The following PLD1 variants were observed in gnomAD, a reference collection of about 807,000 sequenced individuals.
PLD1 encodes choline phosphatase 1.
PLD1 carries 112 observed loss-of-function variants against 137.1 expected under a neutral mutation model. The ratio of observed to expected loss-of-function variants is 0.82; its 90% CI spans 0.70 to 0.96. The LOEUF (loss-of-function observed/expected upper bound fraction) is 0.96. Ranked by LOEUF, PLD1 falls within the 40% of genes least tolerant of loss-of-function variation. The pLI, the probability that PLD1 is intolerant of heterozygous loss-of-function variation, is 0.00. For synonymous variants in PLD1, 431 were observed against 454.7 expected, an observed-to-expected ratio of 0.95 and a Z score of 0.66; for missense variants, 1,321 against 1,342.0, an observed-to-expected ratio of 0.98 and a Z score of 0.24.
chr3:171,618,718 GTA>G (rs1491356528), intron 24 of PLD1, among the ~76,000 whole-genome samples: 8,030 of 126,876 alleles, frequency 0.063, 251 homozygotes, highest in East Asian at 0.12. Flanking sequence ...TTAAAAGTGT[GTA>G]TGTGTGTGTG....
intron 1 of PLD1, chr3:171,765,358 CCAA>C (rs1188160840): frequency 6.6e-6 from 1 of 152,086 alleles, no homozygotes; most frequent in Non-Finnish European, 1.5e-5. Context: ...ACAAAATGTT[CCAA>C]CAACAATGAT....
At chr3:171,673,651 G>A (rs78275994) in intron 19 of PLD1, among the ~76,000 whole-genome samples, 4,368 of 152,186 alleles carry the variant, frequency 0.029, 153 homozygotes, top group African/African-American at 0.084. Context: ...AATTGCACAC[G>A]ATGCAAAATA....
intron 4 of PLD1, among the ~76,000 whole-genome samples, 183 bp downstream of exon 4, chr3:171,735,309 A>ATT (rs1203540032): frequency 6.6e-6 from 1 of 151,966 alleles, no homozygotes; most frequent in Middle Eastern, 3.2e-3. Context: ...TAAATTTTTA[A>ATT]TTTTTTTATA....
At chr3:171,644,077 T>C (rs1053309176) in intron 22 of PLD1, among the ~76,000 whole-genome samples, 4 of 152,212 alleles carry the variant, frequency 2.6e-5, no homozygotes, top group Non-Finnish European at 5.9e-5. Context: ...CCCTGACCCC[T>C]AATCTGCTTT....
chr3:171,618,193 G>C lies in PLD1; in HGVS notation c.2728+2193C>G, dbSNP rs1338130040. 3.3e-5 allele frequency among the ~76,000 whole-genome samples: 5 copies of C among 152,320 alleles called. No homozygotes were observed. The East Asian group carries it at 9.7e-4, about 29-fold the overall frequency. On this transcript the variant is annotated intron_variant, in intron 24 of 26. Coordinates refer to ENST00000351298, the MANE Select transcript of PLD1 (RefSeq NM_002662.5). The stretch of plus-strand genomic sequence containing the variant: ...CCCAGGGCCATATCCTCAGTTTCAA[G>C]AGAATGTGTAAGAATTGTGTGCAAA...
rs138607596 is a variant in PLD1, at chr3:171,736,405, G to A, written c.289-768C>T. ...ACCATGCAGTCTGCCTCTAGAGTCTGTCATTTACCCCCACATGTTATTATC... is the reference window on the plus strand; with the variant it reads ...ACCATGCAGTCTGCCTCTAGAGTCTATCATTTACCCCCACATGTTATTATC... On this transcript the variant is annotated intron_variant, in intron 3 of 26. Transcript: ENST00000351298. Among the ~76,000 whole-genome samples, 1,201 of 152,236 alleles carry A rather than the reference G, an allele frequency of 7.9e-3. 47 individuals are homozygous for A. Among genetic ancestry groups the A allele is most frequent in the Admixed American group, 0.063 (970 of 15,280 alleles).
At chr3:171,684,062 G>T (rs1391884146) in intron 16 of PLD1, among the ~76,000 whole-genome samples, 1 of 152,056 alleles carries the variant, frequency 6.6e-6, no homozygotes, top group Non-Finnish European at 1.5e-5. Context: ...TCAGTGAGGG[G>T]TTGTAAACAG....
intron 25 of PLD1, among the ~76,000 whole-genome samples, chr3:171,608,749 C>A (rs1022413215): frequency 6.6e-6 from 1 of 152,072 alleles, no homozygotes; most frequent in African/African-American, 2.4e-5. Context: ...TCACTTCTTA[C>A]ACTAAAATAC....
At chr3:171,689,832 A>G (rs534877866) in intron 13 of PLD1, among the ~76,000 whole-genome samples, 1 of 152,344 alleles carries the variant, frequency 6.6e-6, no homozygotes, top group Admixed American at 6.5e-5. Flanking sequence ...CATTTTTTAA[A>G]AATTGTAGTA....
At chr3:171,777,816 A>G (rs1167881071) in intron 1 of PLD1, among the ~76,000 whole-genome samples, 3 of 152,208 alleles carry the variant, frequency 2.0e-5, no homozygotes, top group Admixed American at 6.5e-5. Context: ...AAATTGCTCA[A>G]CAACTACAGC....
intron 1 of PLD1, among the ~76,000 whole-genome samples, chr3:171,746,860 C>T (rs1015005973): frequency 2.0e-5 from 3 of 152,230 alleles, no homozygotes; most frequent in South Asian, 2.1e-4. Context: ...CACTGGCAAC[C>T]AGCTGGGGCC....
intron 23 of PLD1, among the ~76,000 whole-genome samples, chr3:171,634,510 CT>C (rs1449700483): frequency 6.6e-6 from 1 of 152,132 alleles, no homozygotes; most frequent in Admixed American, 6.6e-5. Flanking sequence ...TCTGGCAAAT[CT>C]CTGTCCTAGA....
chr3:171,664,015 C>CCT (rs1560193615), intron 19 of PLD1, among the ~76,000 whole-genome samples: 2 of 152,064 alleles, frequency 1.3e-5, no homozygotes. Flanking sequence ...ACTGTGCCAT[C>CCT]CTCAGTAGTG....
intron 9 of PLD1, among the ~76,000 whole-genome samples, chr3:171,710,708 C>A (rs1717125967): frequency 6.6e-6 from 1 of 152,098 alleles, no homozygotes; most frequent in African/African-American, 2.4e-5. Flanking sequence ...GTATCCATTC[C>A]CTCAGCTTCT....
chr3:171,648,360 TC>T (rs1439276755), intron 21 of PLD1, among the ~76,000 whole-genome samples: 1 of 152,170 alleles, frequency 6.6e-6, no homozygotes, highest in Non-Finnish European at 1.5e-5. Context: ...AAAAAATCTC[TC>T]TCACTCCTTC....
In PLD1 at chr3:171,686,528, C is replaced by T. The variant is rs145138238; in HGVS notation, c.1867+157G>A. Reference sequence around the variant, plus strand: ...TAGGGAGTAGGGATCTTGGATACTACAGAATGCTTTGCACAGAGCAGGCTC... The same window carrying T: ...TAGGGAGTAGGGATCTTGGATACTATAGAATGCTTTGCACAGAGCAGGCTC... On this transcript the variant is annotated intron_variant, in intron 16 of 26. Coordinates refer to ENST00000351298, the MANE Select transcript of PLD1 (RefSeq NM_002662.5). Among the ~76,000 whole-genome samples the T allele has an allele frequency of 5.3e-5, 8 of 152,336 alleles. No homozygotes were observed. The East Asian group carries it at 1.4e-3, about 26-fold the overall frequency.
rs1416468792 is a variant in PLD1, at chr3:171,699,747, C to T, written c.1225G>A (p.Ala409Thr). 4 of 1,609,238 alleles carry T rather than the reference C, an allele frequency of 2.5e-6. No individual in the cohort carries two copies. The Admixed American group carries it at 5.0e-5, about 20-fold the overall frequency. ...WRLDCILKRK[A>T]QQGVRIFIML... ...GCATTTTCTGGGAAAGTACATACTG[C>T]TTTTCGTTTAAGAATGCAGTCCAAC... Residue 409 changes from alanine (A) to threonine (T), a missense_variant and splice_region_variant, in exon 12 of 27, where the codon GCA (alanine) becomes ACA (threonine). Transcript: ENST00000351298.
At chr3:171,804,181 C>T (rs1181353732) in intron 1 of PLD1, among the ~76,000 whole-genome samples, 1 of 152,124 alleles carries the variant, frequency 6.6e-6, no homozygotes, top group Non-Finnish European at 1.5e-5. Flanking sequence ...TGCTCCAAGT[C>T]ATAAATCTCC....
At chr3:171,808,279 G>A (rs890022428) in intron 1 of PLD1, among the ~76,000 whole-genome samples, 1 of 152,048 alleles carries the variant, frequency 6.6e-6, no homozygotes, top group Non-Finnish European at 1.5e-5. Context: ...GCTCACGCCT[G>A]TAATCCCAGC....
Sources: gnomAD v4.1 joint callset for allele counts (sites outside exome capture counted in the v4.1 genomes callset) on GRCh38, gnomAD v4.1.1 for gene constraint, MANE v1.5 for transcripts, NCBI Gene and HGNC (gene_info 2026-07-23, HGNC 2026-07-21) for gene names.